Variants in LRP1B observed in about 807,000 individuals in gnomAD.
LRP1B encodes LDL receptor related protein 1B, also known as low-density lipoprotein receptor-related protein 1B.
Under a neutral mutation model 556.6 loss-of-function variants are expected in LRP1B, and 217 were observed. The ratio of observed to expected loss-of-function variants is 0.39; its 90% CI spans 0.35 to 0.44. LRP1B has a LOEUF of 0.44. LRP1B is among the 20% of genes least tolerant of loss of function. LRP1B has a pLI of 1.00. For missense variants in LRP1B, 5,053 were observed against 5,620.8 expected, an observed-to-expected ratio of 0.90 and a Z score of 3.23; for synonymous variants, 2,047 against 1,865.8, an observed-to-expected ratio of 1.10 and a Z score of -2.50.
Position 140,923,496 on chromosome 2 carries a change from T to C in LRP1B, c.3137-349A>G, listed in dbSNP as rs543676979. On this transcript the variant is annotated intron_variant, in intron 20 of 90. Coordinates refer to ENST00000389484, the MANE Select transcript of LRP1B (RefSeq NM_018557.3). The stretch of plus-strand genomic sequence containing the variant: ...GATGAAATCTTTAAAGGCTTTTCTC[T>C]AAGACACATAAATTAGGTTATACAT... Among the ~76,000 whole-genome samples the C allele has an allele frequency of 5.3e-4, 81 of 152,200 alleles. 1 individual carries two copies. The highest frequency in any genetic ancestry group is 5.3e-3 in the Admixed American group (81 of 15,258).
intron 31 of LRP1B, among the ~76,000 whole-genome samples, chr2:140,814,178 A>G (rs1691026004): frequency 6.6e-6 from 1 of 151,810 alleles, no homozygotes; most frequent in African/African-American, 2.4e-5. Flanking sequence ...GGGGCTCACT[A>G]TTTTGCTCAG....
intron 2 of LRP1B, among the ~76,000 whole-genome samples, chr2:141,513,106 C>T (rs946766705): frequency 3.9e-5 from 6 of 151,964 alleles, no homozygotes; most frequent in Non-Finnish European, 7.4e-5. Context: ...AACTGATAGA[C>T]AGGTTATCCT....
chr2:141,779,966 T>G (rs899959341), intron 2 of LRP1B, among the ~76,000 whole-genome samples: 2 of 151,334 alleles, frequency 1.3e-5, no homozygotes, highest in African/African-American at 4.9e-5. Context: ...CTCCTGGTAT[T>G]TCTTTTCCCA....
chr2:141,223,167 C>T (rs1232606283), intron 6 of LRP1B, among the ~76,000 whole-genome samples: 1 of 152,152 alleles, frequency 6.6e-6, no homozygotes, highest in Non-Finnish European at 1.5e-5. Flanking sequence ...GCTTCTAAAG[C>T]TGATAAGCAA....
chr2:141,432,670 T>C (rs1004624978), intron 3 of LRP1B, among the ~76,000 whole-genome samples: 6 of 152,070 alleles, frequency 3.9e-5, no homozygotes, highest in African/African-American at 7.2e-5. Context: ...TTAATTTGTA[T>C]ATTTCATCTA....
At chr2:140,900,710 A>G (rs1351452148) in intron 23 of LRP1B, among the ~76,000 whole-genome samples, 2 of 152,182 alleles carry the variant, frequency 1.3e-5, no homozygotes, top group Non-Finnish European at 2.9e-5. Context: ...CAAAGTTTGT[A>G]TTATTTTATT....
At chr2:141,894,358 C>T in intron 1 of LRP1B, among the ~76,000 whole-genome samples, 1 of 151,830 alleles carries the variant, frequency 6.6e-6, no homozygotes, top group Non-Finnish European at 1.5e-5. Flanking sequence ...CCCTTTCTTC[C>T]TGCCTGCCCT....
At chr2:141,027,699 T>C (rs1360362338) in intron 11 of LRP1B, among the ~76,000 whole-genome samples, 2 of 152,160 alleles carry the variant, frequency 1.3e-5, no homozygotes. Flanking sequence ...GAGGGCGCAA[T>C]GGACTAAATG....
intron 41 of LRP1B, among the ~76,000 whole-genome samples, chr2:140,623,604 T>C (rs1440441759): frequency 6.6e-6 from 1 of 152,076 alleles, no homozygotes; most frequent in Admixed American, 6.6e-5. Context: ...AAAGAACCTA[T>C]GGTTTTATTT....
At chr2:140,832,381 C>T (rs2105078146) in intron 31 of LRP1B, among the ~76,000 whole-genome samples, 1 of 152,164 alleles carries the variant, frequency 6.6e-6, no homozygotes, top group East Asian at 1.9e-4. Context: ...AATAGAGCTA[C>T]CATACGATCC....
At chr2:140,875,100 A>G (rs2084280863) in intron 25 of LRP1B, among the ~76,000 whole-genome samples, 1 of 152,012 alleles carries the variant, frequency 6.6e-6, no homozygotes, top group Non-Finnish European at 1.5e-5. Flanking sequence ...TTGTCCTGGG[A>G]GAAGATGACA....
Position 140,542,373 on chromosome 2 carries a change from A to T in LRP1B, c.7195-402T>A, listed in dbSNP as rs1398593318. 3.3e-5 allele frequency among the ~76,000 whole-genome samples: 5 copies of T among 152,210 alleles called. No individual in the cohort carries two copies. The East Asian group carries it at 9.7e-4, about 29-fold the overall frequency. The stretch of plus-strand genomic sequence containing the variant: ...TCAAGTTCCCAGAACTACATATGGC[A>T]TATAAAGAACCATAAGATCTAGGTT... On this transcript the variant is annotated intron_variant, in intron 43 of 90. Coordinates refer to ENST00000389484, the MANE Select transcript of LRP1B (RefSeq NM_018557.3).
At position 140,840,902 on chromosome 2, in the gene LRP1B, A is replaced by AG. The variant is rs1005526079; in HGVS notation, c.5114+15_5114+16insC. 8.5e-6 allele frequency: 12 copies of AG among 1,417,110 alleles called. No individual in the cohort carries two copies. Among genetic ancestry groups the AG allele is most frequent in the Non-Finnish European group, 1.1e-5 (12 of 1,092,058 alleles). 87.8% of individuals were successfully genotyped at this position (1,417,110 alleles called of 1,614,324 possible). A position where few individuals can be genotyped will look rare whatever the true frequency, so the allele number is the denominator to read the frequency against. On this transcript the variant is annotated intron_variant, in intron 30 of 90. Transcript: ENST00000389484. ...TGAAATTTTGGAAAAACTTTAAAAA[A>AG]AAAATCATACTTTACCCCCTGACTG...
At position 141,987,503 on chromosome 2, in the gene LRP1B, A is replaced by G. The variant is rs759960845; in HGVS notation, c.82+143145T>C. ...GCTGCGACACAGTGCAATTAGCAAC[A>G]ATTAATTAACCTTACAGAAAACCGG... On this transcript the variant is annotated intron_variant, in intron 1 of 90. Transcript: ENST00000389484. Among the ~76,000 whole-genome samples, 13 of 150,586 alleles carry G rather than the reference A, an allele frequency of 8.6e-5. 1 individual carries two copies. Among genetic ancestry groups the G allele is most frequent in the Non-Finnish European group, 1.9e-4 (13 of 67,676 alleles).
At chr2:142,121,682 G>A (rs1050889308) in intron 1 of LRP1B, among the ~76,000 whole-genome samples, 2 of 149,670 alleles carry the variant, frequency 1.3e-5, no homozygotes, top group Admixed American at 1.3e-4. Context: ...TTTCTTTTTA[G>A]CAAGGATGTT....
chr2:140,594,024 C>T (rs1403065130), intron 43 of LRP1B, among the ~76,000 whole-genome samples: 1 of 151,714 alleles, frequency 6.6e-6, no homozygotes, highest in African/African-American at 2.4e-5. Context: ...CATTGCCAGG[C>T]TGGAGTGCAG....
intron 12 of LRP1B, among the ~76,000 whole-genome samples, chr2:141,017,901 G>T (rs951282994): frequency 6.6e-6 from 1 of 151,692 alleles, no homozygotes; most frequent in African/African-American, 2.4e-5. Flanking sequence ...CAAAGCTGAG[G>T]TGGGAGAATC....
At chr2:140,616,537 T>C (rs1278753937) in intron 41 of LRP1B, among the ~76,000 whole-genome samples, 1 of 150,586 alleles carries the variant, frequency 6.6e-6, no homozygotes, top group East Asian at 2.0e-4. Context: ...AGTTTCTAAA[T>C]GATAAAGTCA....
chr2:141,810,346 GAC>G lies in LRP1B; in HGVS notation c.136_137del (p.Val46LeufsTer7). 6.2e-7 allele frequency: 1 copy of G among 1,613,086 alleles called. No homozygotes were observed. Among genetic ancestry groups the G allele is most frequent in the Non-Finnish European group, 8.5e-7 (1 of 1,179,396 alleles). On this transcript the variant is annotated frameshift_variant, in exon 2 of 91. Coordinates refer to ENST00000389484, the MANE Select transcript of LRP1B (RefSeq NM_018557.3). LOFTEE classifies it high-confidence loss of function. ...EFLCHDHVTC[V>X]SQSWLCDGDP... is the part of the protein sequence containing the mutation. ...CCCCATCACACAGCCAGCTCTGGGA[GAC>G]ACAAGTCACGTGATCGTGGCAAAGA...
Sources: allele counts gnomAD v4.1 joint callset (sites outside exome capture counted in the v4.1 genomes callset), GRCh38; gene constraint gnomAD v4.1.1; transcripts MANE v1.5; gene names NCBI Gene and HGNC (gene_info 2026-07-23, HGNC 2026-07-21).